Variants in PDCD11 observed in about 807,000 individuals in gnomAD.
PDCD11 encodes protein RRP5 homolog.
In PDCD11, 97 loss-of-function variants were observed where a neutral mutation model predicts 198.9. That is an observed-to-expected ratio of 0.49 (90% CI 0.41 to 0.58). The LOEUF (loss-of-function observed/expected upper bound fraction) is 0.58, where lower values mean the gene tolerates loss of function less well. Ranked by LOEUF, PDCD11 falls within the 20% of genes least tolerant of loss-of-function variation. The pLI, the probability that PDCD11 is intolerant of heterozygous loss-of-function variation, is 0.00. For missense variants in PDCD11, 2,102 were observed against 2,312.7 expected (o/e 0.91, Z 1.87); for synonymous variants, 893 against 918.0 (o/e 0.97, Z 0.49).
chr10:103,416,466 A>AT (rs766921091), intron 12 of PDCD11, 25 bp from the exon 13 acceptor site: 4 of 1,611,800 alleles, frequency 2.5e-6, no homozygotes, highest in Non-Finnish European at 3.4e-6. Flanking sequence ...AGATAACTTG[A>AT]TGACAGCCTG....
At chr10:103,418,742 A>G in intron 15 of PDCD11, 108 bp downstream of exon 15, 1 of 874,718 alleles carries the variant, frequency 1.1e-6, no homozygotes, top group Non-Finnish European at 1.8e-6. Context: ...AAATATCTCC[A>G]CAAAACCAAA....
At chr10:103,402,620 G>A (rs2030175697) in intron 3 of PDCD11, among the ~76,000 whole-genome samples, 1 of 151,978 alleles carries the variant, frequency 6.6e-6, no homozygotes, top group African/African-American at 2.4e-5. Context: ...TGTATTTTTA[G>A]TAGAGACGGG....
In PDCD11 at chr10:103,423,610, A is replaced by G; in HGVS notation, c.2715A>G (p.Glu905=). Reference sequence around the variant, plus strand: ...TAAATGTTGATCTTTTGAAGTTGGAAGTGCACGTTTCCCTTCACCAGGACT... The same window carrying G: ...TAAATGTTGATCTTTTGAAGTTGGAGGTGCACGTTTCCCTTCACCAGGACT... ...VILNVDLLKL[E]VHVSLHQDLV... Residue 905 remains glutamate, a synonymous_variant, in exon 19 of 36, where the codon GAA becomes GAG. Coordinates refer to ENST00000369797, the MANE Select transcript of PDCD11 (RefSeq NM_014976.2). The G allele has an allele frequency of 1.2e-6, 2 of 1,614,020 alleles. No homozygotes were observed. The highest frequency in any genetic ancestry group is 1.7e-6 in the Non-Finnish European group (2 of 1,179,876).
chr10:103,427,714 A>G (rs2031758196), intron 21 of PDCD11, among the ~76,000 whole-genome samples: 2 of 152,226 alleles, frequency 1.3e-5, no homozygotes, highest in African/African-American at 4.8e-5. Flanking sequence ...AATAAGCAAC[A>G]TGTATCCAAG....
At chr10:103,417,188 T>A (rs921594312) in intron 13 of PDCD11, among the ~76,000 whole-genome samples, 4 of 152,140 alleles carry the variant, frequency 2.6e-5, no homozygotes, top group African/African-American at 9.7e-5. Flanking sequence ...CCTTTTTTTT[T>A]TTGAGACAGA....
chr10:103,405,293 G>T (rs2030378930), intron 5 of PDCD11, 110 bp downstream of exon 5: 2 of 1,068,500 alleles, frequency 1.9e-6, no homozygotes, highest in African/African-American at 1.6e-5. Context: ...ACACATAGGA[G>T]TGGTTCTTTT....
intron 3 of PDCD11, among the ~76,000 whole-genome samples, chr10:103,400,938 A>G (rs2030002155): frequency 6.6e-6 from 1 of 152,036 alleles, no homozygotes; most frequent in South Asian, 2.1e-4. Context: ...AATCTTTTGT[A>G]GGGCTTGGAT....
intron 12 of PDCD11, among the ~76,000 whole-genome samples, chr10:103,415,490 G>T (rs2031055466): frequency 6.6e-6 from 1 of 151,464 alleles, no homozygotes; most frequent in Admixed American, 6.6e-5. Flanking sequence ...CCACGAACAG[G>T]ACTGCCACGA....
At chr10:103,399,183 G>T (rs1564753163) in intron 2 of PDCD11, among the ~76,000 whole-genome samples, 1 of 147,670 alleles carries the variant, frequency 6.8e-6, no homozygotes, top group Non-Finnish European at 1.5e-5. Flanking sequence ...GTGAGTAGCT[G>T]GGATTACAGG....
At chr10:103,414,943 G>C in intron 11 of PDCD11, 62 bp from the exon 12 acceptor site, 2 of 1,586,612 alleles carry the variant, frequency 1.3e-6, no homozygotes, top group South Asian at 2.2e-5. Context: ...ATGCCTTGTT[G>C]TAAGAGGTGG....
chr10:103,432,077 G>A, intron 21 of PDCD11, 52 bp from the exon 22 acceptor site: 1 of 1,377,670 alleles, frequency 7.3e-7, no homozygotes. Context: ...TTTCAAACTG[G>A]AAGTCTTATC....
chr10:103,421,022 C>T (rs1341317194), intron 16 of PDCD11, among the ~76,000 whole-genome samples: 1 of 152,094 alleles, frequency 6.6e-6, no homozygotes, highest in Non-Finnish European at 1.5e-5. Flanking sequence ...ATTGCAGGTG[C>T]ATGCCACCAC....
intron 25 of PDCD11, among the ~76,000 whole-genome samples, chr10:103,436,609 C>T (rs2032165973): frequency 6.6e-6 from 1 of 152,176 alleles, no homozygotes; most frequent in Non-Finnish European, 1.5e-5. Context: ...ATGCCCAGGG[C>T]CTGGGAGAAG....
chr10:103,441,541 C>A (rs2032384391), intron 30 of PDCD11, among the ~76,000 whole-genome samples: 1 of 152,158 alleles, frequency 6.6e-6, no homozygotes, highest in Non-Finnish European at 1.5e-5. Context: ...AGGTGTGAGC[C>A]ACCACACCTG....
intron 20 of PDCD11, among the ~76,000 whole-genome samples, chr10:103,426,575 A>C (rs2031702752): frequency 6.6e-6 from 1 of 152,046 alleles, no homozygotes; most frequent in Non-Finnish European, 1.5e-5. Context: ...TGGGTGGATC[A>C]CCTGAGATCA....
intron 1 of PDCD11, among the ~76,000 whole-genome samples, chr10:103,397,022 G>A (rs1400820293): frequency 6.6e-6 from 1 of 152,028 alleles, no homozygotes; most frequent in East Asian, 1.9e-4. Flanking sequence ...AAACTTTCCT[G>A]TTTCTATGAA....
chr10:103,417,974 G>A (rs1028397157), intron 14 of PDCD11, 42 bp downstream of exon 14: 2 of 1,606,910 alleles, frequency 1.2e-6, no homozygotes, highest in African/African-American at 2.7e-5. Context: ...TGTTACAGTG[G>A]CAGAGAGCAG....
intron 4 of PDCD11, among the ~76,000 whole-genome samples, chr10:103,404,139 C>A (rs530898792): frequency 1.3e-5 from 2 of 149,852 alleles, no homozygotes; most frequent in South Asian, 4.2e-4. Flanking sequence ...CAGGTGCCAG[C>A]CACCACACCC....
chr10:103,400,474 A>G lies in PDCD11; in HGVS notation c.180A>G (p.Glu60=). ...GPAKTKKLKI[E]KRESSKSARE... Reference sequence around the variant, plus strand: ...CAAAAACAAAAAAGTTGAAAATCGAAAAGAGAGAAAGCAGCAAGTCCGCAA... The same window carrying G: ...CAAAAACAAAAAAGTTGAAAATCGAGAAGAGAGAAAGCAGCAAGTCCGCAA... Residue 60 remains glutamate (E), a synonymous_variant, in exon 3 of 36, where the codon GAA becomes GAG. Coordinates refer to ENST00000369797, the MANE Select transcript of PDCD11 (RefSeq NM_014976.2). The G allele has an allele frequency of 6.2e-7, 1 of 1,614,128 alleles. No individual in the cohort carries two copies. The highest frequency in any genetic ancestry group is 1.1e-5 in the South Asian group (1 of 91,074).
Sources: allele counts gnomAD v4.1 joint callset (sites outside exome capture counted in the v4.1 genomes callset), GRCh38; gene constraint gnomAD v4.1.1; transcripts MANE v1.5; gene names NCBI Gene and HGNC (gene_info 2026-07-23, HGNC 2026-07-21).